The following COTL1 variants were observed in gnomAD, a reference collection of about 807,000 sequenced individuals.
COTL1 encodes coactosin like F-actin binding protein 1, also known as coactosin-like protein.
A neutral mutation model predicts 16.5 loss-of-function variants in COTL1; 15 were observed. That is an observed-to-expected ratio of 0.91 (90% confidence interval 0.61 to 1.40). COTL1 has a LOEUF of 1.40. Ranked by LOEUF, COTL1 falls within the 40% of genes most tolerant of loss-of-function variation. The pLI is 0.00. For missense variants in COTL1, 220 were observed against 201.5 expected (o/e 1.09, Z -0.56); for synonymous variants, 112 against 85.3 (o/e 1.31, Z -1.73).
chr16:84,617,617 A>C, intron 1 of COTL1, 34 bp from the exon 2 acceptor site: 2 of 1,537,992 alleles, frequency 1.3e-6, no homozygotes, highest in Non-Finnish European at 1.8e-6. Flanking sequence ...ACACACACAC[A>C]CATCAGCGCT....
Position 84,601,932 on chromosome 16 carries a change from C to T in COTL1, c.161-11670G>A, listed in dbSNP as rs558557985. On this transcript the variant is annotated intron_variant, in intron 2 of 3. Transcript: ENST00000262428. ...GCCCTTCTCTCTTTTTCCGACTCAC[C>T]ACAAGCCAGAAGGGCATATGATGCA... Among the ~76,000 whole-genome samples the T allele has an allele frequency of 2.0e-5, 3 of 152,268 alleles. No individual in the cohort carries two copies. The East Asian group carries it at 5.8e-4, about 29-fold the overall frequency.
chr16:84,567,033 T>C, intron 3 of COTL1, 78 bp from the exon 4 acceptor site: 1 of 978,054 alleles, frequency 1.0e-6, no homozygotes, highest in Non-Finnish European at 1.6e-6. Context: ...GGCAACACAC[T>C]GGGAAGCAAA....
intron 3 of COTL1, chr16:84,567,650 C>T (rs944362335): frequency 6.6e-6 from 1 of 152,328 alleles, no homozygotes; most frequent in African/African-American, 2.4e-5. Flanking sequence ...TCAACAAATA[C>T]CACGCCAGGC....
intron 2 of COTL1, among the ~76,000 whole-genome samples, chr16:84,602,291 C>T (rs568582136): frequency 1.8e-4 from 27 of 151,610 alleles, no homozygotes; most frequent in African/African-American, 5.8e-4. Flanking sequence ...TTTGGGAGGC[C>T]GAGGCAGGAG....
At chr16:84,611,265 C>T (rs947173372) in intron 2 of COTL1, among the ~76,000 whole-genome samples, 1 of 152,208 alleles carries the variant, frequency 6.6e-6, no homozygotes, top group African/African-American at 2.4e-5. Flanking sequence ...GCCTGGATTC[C>T]TTCTAAAATA....
chr16:84,581,500 T>C (rs1448818484), intron 3 of COTL1, among the ~76,000 whole-genome samples: 2 of 138,408 alleles, frequency 1.4e-5, no homozygotes, highest in Non-Finnish European at 3.2e-5. Context: ...CTGCTTTCTC[T>C]AATTTTTTGT....
At chr16:84,587,887 T>C in intron 3 of COTL1, among the ~76,000 whole-genome samples, 1 of 152,264 alleles carries the variant, frequency 6.6e-6, no homozygotes, top group South Asian at 2.1e-4. Flanking sequence ...TTCTCCTGTC[T>C]CAGCCTCCTG....
intron 3 of COTL1, among the ~76,000 whole-genome samples, chr16:84,577,261 T>C (rs115991206): frequency 0.025 from 3,759 of 151,340 alleles, 122 homozygotes; most frequent in African/African-American, 0.086. Context: ...TTTTGGTTTT[T>C]TGAGACAGAG....
chr16:84,592,468 C>T (rs1904893609), intron 2 of COTL1, among the ~76,000 whole-genome samples: 1 of 152,066 alleles, frequency 6.6e-6, no homozygotes. Context: ...GTTTGCTTCT[C>T]AAACATTGTG....
At chr16:84,584,226 G>A (rs991434388) in intron 3 of COTL1, among the ~76,000 whole-genome samples, 5 of 152,280 alleles carry the variant, frequency 3.3e-5, no homozygotes, top group African/African-American at 9.6e-5. Context: ...TGGAGTCTGG[G>A]CATCGCAATC....
At chr16:84,570,724 G>A (rs992614179) in intron 3 of COTL1, among the ~76,000 whole-genome samples, 5 of 152,162 alleles carry the variant, frequency 3.3e-5, no homozygotes, top group African/African-American at 9.7e-5. Context: ...TAGAATGGAA[G>A]GTTATTTTCC....
intron 2 of COTL1, among the ~76,000 whole-genome samples, chr16:84,592,305 A>G (rs958758429): frequency 2.6e-5 from 4 of 152,176 alleles, no homozygotes; most frequent in Non-Finnish European, 4.4e-5. Context: ...TCTCATTACA[A>G]TTCCTAAGTG....
chr16:84,570,716 G>A (rs1904323143), intron 3 of COTL1, among the ~76,000 whole-genome samples: 1 of 152,182 alleles, frequency 6.6e-6, no homozygotes, highest in Non-Finnish European at 1.5e-5. Context: ...GTAGAAAATA[G>A]AATGGAAGGT....
chr16:84,618,054 T>A lies in COTL1; in HGVS notation c.-140A>T. On this transcript the variant is annotated 5_prime_UTR_variant, in exon 1 of 4. Coordinates refer to ENST00000262428, the MANE Select transcript of COTL1 (RefSeq NM_021149.5). ...CGACGGCTACGCGGCGCCTGCAAGC[T>A]GCGAGCGCGGCGGCGGCTTCCACTG... 1 of 259,202 alleles carries A rather than the reference T, an allele frequency of 3.9e-6. No homozygotes were observed. The highest frequency in any genetic ancestry group is 6.1e-6 in the Non-Finnish European group (1 of 162,612). The allele number at this position is 259,202 out of a possible 1,614,324, so 16.1% of individuals were successfully genotyped here. A position where few individuals can be genotyped will look rare whatever the true frequency, so the allele number is the denominator to read the frequency against.
intron 2 of COTL1, among the ~76,000 whole-genome samples, chr16:84,601,881 C>A (rs183674082): frequency 2.4e-3 from 366 of 152,290 alleles, no homozygotes; most frequent in Non-Finnish European, 3.8e-3. Flanking sequence ...CCTCTGCTGG[C>A]AAGTTCAAAA....
At chr16:84,572,346 C>A (rs1904352122) in intron 3 of COTL1, among the ~76,000 whole-genome samples, 2 of 152,252 alleles carry the variant, frequency 1.3e-5, no homozygotes, top group African/African-American at 2.4e-5. Flanking sequence ...CACTTGCCAG[C>A]ACCCACATGC....
Position 84,572,789 on chromosome 16 carries a change from C to T in COTL1, c.319-5834G>A, listed in dbSNP as rs191194452. Among the ~76,000 whole-genome samples, 352 of 152,116 alleles carry T rather than the reference C, an allele frequency of 2.3e-3. 2 individuals carry two copies. The highest frequency in any genetic ancestry group is 2.3e-3 in the Non-Finnish European group (159 of 68,004). On this transcript the variant is annotated intron_variant, in intron 3 of 3. Coordinates refer to ENST00000262428, the MANE Select transcript of COTL1 (RefSeq NM_021149.5). ...TAGACAGGTCTCACTCTGTCACCCA[C>T]GCTGCCAGGCTGGAGGGCACTGGTG...
At chr16:84,593,373 C>G (rs1256282089) in intron 2 of COTL1, among the ~76,000 whole-genome samples, 3 of 152,240 alleles carry the variant, frequency 2.0e-5, no homozygotes, top group Non-Finnish European at 2.9e-5. Context: ...ACAGGAGACC[C>G]CGAGGGGTGA....
intron 2 of COTL1, among the ~76,000 whole-genome samples, chr16:84,606,910 G>A (rs753085272): frequency 5.3e-5 from 8 of 152,176 alleles, no homozygotes; most frequent in Non-Finnish European, 7.3e-5. Flanking sequence ...TTGAACCCAG[G>A]CATTACGGGT....
Sources: gnomAD v4.1 joint callset for allele counts (sites outside exome capture counted in the v4.1 genomes callset) on GRCh38, gnomAD v4.1.1 for gene constraint, MANE v1.5 for transcripts, NCBI Gene and HGNC (gene_info 2026-07-23, HGNC 2026-07-21) for gene names.